The following CDH18 variants were observed in gnomAD, a reference collection of about 807,000 sequenced individuals.
CDH18 encodes cadherin-18.
In CDH18, 31 loss-of-function variants were observed where a neutral mutation model predicts 67.9. The ratio of observed to expected loss-of-function variants is 0.46; its 90% confidence interval spans 0.34 to 0.62. The LOEUF is 0.62. Ranked by LOEUF, CDH18 falls within the 20% of genes least tolerant of loss-of-function variation. CDH18 has a pLI of 0.01. For missense variants in CDH18, 890 were observed against 975.5 expected, an observed-to-expected ratio of 0.91 and a Z score of 1.17; for synonymous variants, 362 against 347.2, an observed-to-expected ratio of 1.04 and a Z score of -0.48.
chr5:19,654,065 TACA>T (rs1755969192), intron 5 of CDH18, among the ~76,000 whole-genome samples: 1 of 152,168 alleles, frequency 6.6e-6, no homozygotes. Context: ...CACAGGGAAG[TACA>T]ACAAGGCATT....
chr5:20,368,404 A>G (rs920240548), intron 1 of CDH18, among the ~76,000 whole-genome samples: 9 of 152,230 alleles, frequency 5.9e-5, no homozygotes, highest in Admixed American at 3.3e-4. Flanking sequence ...CAGAGAAAAT[A>G]AATACACATC....
chr5:20,304,178 A>G, intron 1 of CDH18: 1 of 1,529,714 alleles, frequency 6.5e-7, no homozygotes, highest in East Asian at 2.2e-5. Flanking sequence ...ACAGACAATA[A>G]AAACGTTATT....
intron 5 of CDH18, among the ~76,000 whole-genome samples, chr5:19,704,694 A>G (rs1344294673): frequency 6.6e-6 from 1 of 152,212 alleles, no homozygotes; most frequent in Non-Finnish European, 1.5e-5. Context: ...TTGGTCACTA[A>G]GTAAAGAGAA....
At chr5:20,508,387 T>C (rs1440991985) in intron 1 of CDH18, among the ~76,000 whole-genome samples, 1 of 143,694 alleles carries the variant, frequency 7.0e-6, no homozygotes, top group Non-Finnish European at 1.5e-5. Flanking sequence ...TTGGAAAACT[T>C]TTGCTGATAA....
chr5:20,220,709 A>G (rs186855262), intron 2 of CDH18, among the ~76,000 whole-genome samples: 24 of 152,088 alleles, frequency 1.6e-4, no homozygotes, highest in Admixed American at 1.3e-3. Flanking sequence ...GGGGGAAAAT[A>G]TTTGCAAACT....
intron 5 of CDH18, among the ~76,000 whole-genome samples, chr5:19,618,993 T>C (rs1750280791): frequency 1.3e-5 from 2 of 152,186 alleles, no homozygotes; most frequent in Admixed American, 6.5e-5. Context: ...CTTTATGTTA[T>C]CTACACAATT....
At chr5:19,575,689 T>G (rs1181828975) in intron 7 of CDH18, among the ~76,000 whole-genome samples, 1 of 152,190 alleles carries the variant, frequency 6.6e-6, no homozygotes, top group Non-Finnish European at 1.5e-5. Flanking sequence ...ATTCGTTTCC[T>G]AGGGATGACA....
chr5:20,069,564 C>A (rs1743285147), intron 2 of CDH18, among the ~76,000 whole-genome samples: 1 of 151,982 alleles, frequency 6.6e-6, no homozygotes, highest in Non-Finnish European at 1.5e-5. Flanking sequence ...AGGCACCTGC[C>A]ACCACGCCCA....
intron 5 of CDH18, among the ~76,000 whole-genome samples, chr5:19,644,368 A>G (rs1440539271): frequency 6.6e-6 from 1 of 151,232 alleles, no homozygotes; most frequent in African/African-American, 2.4e-5. Flanking sequence ...TCATGGTTTG[A>G]TTTCACCCCG....
At chr5:20,390,694 T>G (rs888102952) in intron 1 of CDH18, among the ~76,000 whole-genome samples, 9 of 152,190 alleles carry the variant, frequency 5.9e-5, no homozygotes, top group African/African-American at 2.2e-4. Context: ...ACACGTATGT[T>G]TATTGCGGCA....
intron 2 of CDH18, among the ~76,000 whole-genome samples, chr5:19,980,755 C>G (rs1234547762): frequency 6.6e-6 from 1 of 152,172 alleles, no homozygotes; most frequent in Non-Finnish European, 1.5e-5. Context: ...ACCCGCACCA[C>G]AAAGCTCTCC....
At chr5:20,306,469 C>T (rs1043381759) in intron 1 of CDH18, among the ~76,000 whole-genome samples, 3 of 152,136 alleles carry the variant, frequency 2.0e-5, no homozygotes, top group Admixed American at 6.6e-5. Context: ...AATCTACCAT[C>T]CTTCCCTATA....
chr5:19,606,975 CA>C (rs1748152178), intron 6 of CDH18, among the ~76,000 whole-genome samples: 1 of 151,524 alleles, frequency 6.6e-6, no homozygotes. Flanking sequence ...AGGAATTCTA[CA>C]GTTGATTTTT....
chr5:19,857,888 T>G (rs1421544585), intron 2 of CDH18, among the ~76,000 whole-genome samples: 2 of 152,202 alleles, frequency 1.3e-5, no homozygotes, highest in African/African-American at 4.8e-5. Context: ...GAAATTATTT[T>G]TAAAATCTTG....
At chr5:20,424,284 A>G (rs1364568121) in intron 1 of CDH18, among the ~76,000 whole-genome samples, 1 of 150,868 alleles carries the variant, frequency 6.6e-6, no homozygotes, top group African/African-American at 2.5e-5. Flanking sequence ...GAGGGAAAAT[A>G]TTGTTTTCAT....
At chr5:19,985,319 A>G (rs1328148646) in intron 1 of CDH18, among the ~76,000 whole-genome samples, 1 of 152,066 alleles carries the variant, frequency 6.6e-6, no homozygotes, top group Non-Finnish European at 1.5e-5. Flanking sequence ...CAAACAGCAT[A>G]TGCATGAACT....
chr5:20,134,161 G>A (rs1444993251), intron 2 of CDH18, among the ~76,000 whole-genome samples: 1 of 152,028 alleles, frequency 6.6e-6, no homozygotes, highest in Non-Finnish European at 1.5e-5. Context: ...AGTAGACATG[G>A]AGTTTTGCCA....
intron 3 of CDH18, among the ~76,000 whole-genome samples, chr5:19,769,406 G>A (rs1236867808): frequency 1.3e-5 from 2 of 152,044 alleles, no homozygotes; most frequent in Non-Finnish European, 2.9e-5. Context: ...TATTCAACAT[G>A]CTGAAAGAAA....
intron 1 of CDH18, among the ~76,000 whole-genome samples, chr5:20,426,117 A>G (rs557401160): frequency 6.6e-6 from 1 of 151,404 alleles, no homozygotes; most frequent in South Asian, 2.1e-4. Context: ...TCCTAATTCC[A>G]TCTCCATCAC....
Sources: allele counts gnomAD v4.1 joint callset (sites outside exome capture counted in the v4.1 genomes callset), GRCh38; gene constraint gnomAD v4.1.1; transcripts MANE v1.5; gene names NCBI Gene and HGNC (gene_info 2026-07-23, HGNC 2026-07-21).